EIF4E3: variants seen among roughly 807,000 people sequenced by gnomAD.
EIF4E3 encodes eukaryotic translation initiation factor 4E type 3.
In EIF4E3, 26 loss-of-function variants were observed where a neutral mutation model predicts 31.7. That is an observed-to-expected ratio of 0.82 (90% confidence interval 0.60 to 1.14). EIF4E3 has a LOEUF of 1.14. Among genes scored for constraint, EIF4E3 ranks in the 50% most tolerant of loss-of-function variants. EIF4E3 has a pLI of 0.00. For missense variants in EIF4E3, 304 were observed against 270.9 expected, an observed-to-expected ratio of 1.12 and a Z score of -0.86; for synonymous variants, 128 against 107.7, an observed-to-expected ratio of 1.19 and a Z score of -1.17.
intron 2 of EIF4E3, among the ~76,000 whole-genome samples, chr3:71,704,238 C>T (rs2049259019): frequency 6.6e-6 from 1 of 152,170 alleles, no homozygotes; most frequent in Admixed American, 6.5e-5. Flanking sequence ...AAAACCAACT[C>T]TGAGTTGGGG....
intron 6 of EIF4E3, among the ~76,000 whole-genome samples, chr3:71,685,974 T>C (rs1453166029): frequency 6.6e-6 from 1 of 152,138 alleles, no homozygotes; most frequent in East Asian, 1.9e-4. Flanking sequence ...TCCAGTTCTG[T>C]TTTATTTTTC....
At chr3:71,705,642 C>G (rs2049281899) in intron 2 of EIF4E3, among the ~76,000 whole-genome samples, 1 of 152,152 alleles carries the variant, frequency 6.6e-6, no homozygotes, top group Non-Finnish European at 1.5e-5. Flanking sequence ...GAGTGCTGTA[C>G]AGGAATGAGT....
intron 5 of EIF4E3, among the ~76,000 whole-genome samples, chr3:71,691,950 T>C (rs1268899664): frequency 6.6e-6 from 1 of 152,220 alleles, no homozygotes; most frequent in African/African-American, 2.4e-5. Flanking sequence ...TTTGGGGAAA[T>C]GTTCATGTCT....
At chr3:71,664,199 C>T in the EIF4E3 span, among the ~76,000 whole-genome samples, 1 of 152,196 alleles carries the variant, frequency 6.6e-6, no homozygotes, top group Non-Finnish European at 1.5e-5. Flanking sequence ...AATTACTCAA[C>T]TTGATAGAGC....
intron 1 of EIF4E3, among the ~76,000 whole-genome samples, chr3:71,735,153 A>G (rs2049749414): frequency 6.6e-6 from 1 of 152,224 alleles, no homozygotes; most frequent in African/African-American, 2.4e-5. Context: ...CTAGGTGTTC[A>G]TCTCATCTAA....
chr3:71,732,884 A>G (rs1418121901), intron 1 of EIF4E3, among the ~76,000 whole-genome samples: 2 of 152,266 alleles, frequency 1.3e-5, no homozygotes, highest in African/African-American at 4.8e-5. Context: ...TCTCAATTAA[A>G]AAATGAGTGT....
At chr3:71,705,847 C>T (rs939750080) in intron 2 of EIF4E3, among the ~76,000 whole-genome samples, 4 of 152,080 alleles carry the variant, frequency 2.6e-5, no homozygotes, top group Non-Finnish European at 5.9e-5. Context: ...AGGCTGAACT[C>T]GAACTCTTGG....
At chr3:71,695,065 ATTCTT>A (rs1045806444) in intron 4 of EIF4E3, among the ~76,000 whole-genome samples, 5 of 152,162 alleles carry the variant, frequency 3.3e-5, no homozygotes, top group Non-Finnish European at 7.4e-5. Flanking sequence ...GTGACCTTTC[ATTCTT>A]TTCTTTTCTC....
At chr3:71,748,725 T>A (rs543076851) in intron 1 of EIF4E3, among the ~76,000 whole-genome samples, 1 of 152,040 alleles carries the variant, frequency 6.6e-6, no homozygotes, top group East Asian at 1.9e-4. Flanking sequence ...GCGCGCACTA[T>A]CCTGAATGAC....
the EIF4E3 span, among the ~76,000 whole-genome samples, chr3:71,666,161 G>C: frequency 6.6e-6 from 1 of 152,080 alleles, no homozygotes; most frequent in African/African-American, 2.4e-5. Context: ...CCAGGAGCTG[G>C]TTTTTTGAAA....
intron 1 of EIF4E3, among the ~76,000 whole-genome samples, chr3:71,741,367 G>T (rs778194489): frequency 1.3e-5 from 2 of 152,112 alleles, no homozygotes; most frequent in Non-Finnish European, 2.9e-5. Context: ...AGCTGGAGAG[G>T]CTATATTTAT....
intron 2 of EIF4E3, among the ~76,000 whole-genome samples, chr3:71,706,439 T>A (rs2108066352): frequency 6.6e-6 from 1 of 152,346 alleles, no homozygotes; most frequent in Non-Finnish European, 1.5e-5. Context: ...ACATGATTTT[T>A]ACCTTTCATC....
intron 1 of EIF4E3, among the ~76,000 whole-genome samples, chr3:71,730,690 G>A (rs143286763): frequency 1.4e-4 from 22 of 152,146 alleles, no homozygotes; most frequent in Admixed American, 1.2e-3. Flanking sequence ...CCTGCAATCC[G>A]TGTGTTGGTC....
chr3:71,697,621 G>GT lies in EIF4E3; in HGVS notation c.345-1102dup, dbSNP rs1166844655. ...TACTCTCTTTCTCCATCAGTTCAGG[G>GT]TTTTTTTTTTTTAAGCTCCTACATA... On this transcript the variant is annotated intron_variant, in intron 3 of 6. Coordinates refer to ENST00000425534, the MANE Select transcript of EIF4E3 (RefSeq NM_001134651.2). Among the ~76,000 whole-genome samples, 797 of 143,886 alleles carry GT rather than the reference G, an allele frequency of 5.5e-3. 20 individuals carry two copies. The highest frequency in any genetic ancestry group is 0.046 in the Admixed American group (668 of 14,454). The allele number at this position is 143,886 out of a possible 152,430, so 94.4% of individuals were successfully genotyped here. A position where few individuals can be genotyped will look rare whatever the true frequency, so the allele number is the denominator to read the frequency against.
intron 1 of EIF4E3, among the ~76,000 whole-genome samples, chr3:71,723,808 T>C (rs1469824676): frequency 6.6e-6 from 1 of 152,190 alleles, no homozygotes; most frequent in Non-Finnish European, 1.5e-5. Context: ...GACAGTATAA[T>C]GCTCTCTTAG....
chr3:71,716,843 T>C (rs1240301310), intron 1 of EIF4E3, among the ~76,000 whole-genome samples: 1 of 152,118 alleles, frequency 6.6e-6, no homozygotes, highest in Admixed American at 6.5e-5. Flanking sequence ...GGCACCCTCA[T>C]AAAAACACTG....
chr3:71,717,589 A>G (rs1219624938), intron 1 of EIF4E3, among the ~76,000 whole-genome samples: 1 of 152,208 alleles, frequency 6.6e-6, no homozygotes, highest in Non-Finnish European at 1.5e-5. Context: ...AGAGCCAGAT[A>G]ACCTCTTAAG....
chr3:71,690,874 A>G (rs1183913028), intron 5 of EIF4E3, among the ~76,000 whole-genome samples: 1 of 152,200 alleles, frequency 6.6e-6, no homozygotes, highest in East Asian at 1.9e-4. Flanking sequence ...CAGCTCTGCT[A>G]TTATAGGATC....
At chr3:71,686,314 T>C (rs1404040502) in intron 6 of EIF4E3, among the ~76,000 whole-genome samples, 1 of 152,094 alleles carries the variant, frequency 6.6e-6, no homozygotes, top group Non-Finnish European at 1.5e-5. Context: ...AAGGACTAAA[T>C]TCTTCAGACT....
Sources: allele counts gnomAD v4.1 joint callset (sites outside exome capture counted in the v4.1 genomes callset), GRCh38; gene constraint gnomAD v4.1.1; transcripts MANE v1.5; gene names NCBI Gene and HGNC (gene_info 2026-07-23, HGNC 2026-07-21).